The following STAU2 variants were observed in gnomAD, a reference collection of about 807,000 sequenced individuals.
STAU2 encodes double-stranded RNA-binding protein Staufen homolog 2.
A neutral mutation model predicts 65.9 loss-of-function variants in STAU2; 20 were observed. That is an observed-to-expected ratio of 0.30 (90% CI 0.21 to 0.44). STAU2 has a LOEUF of 0.44. STAU2 is among the 20% of genes least tolerant of loss of function. The probability of loss-of-function intolerance (pLI) is 1.00; values close to 1 mark genes in which losing one functional copy is unlikely to be tolerated. For missense variants in STAU2, 558 were observed against 683.9 expected (o/e 0.82, Z 2.05); for synonymous variants, 232 against 233.9 (o/e 0.99, Z 0.07).
intron 6 of STAU2, among the ~76,000 whole-genome samples, chr8:73,631,677 G>GTA (rs1158420794): frequency 2.6e-5 from 4 of 152,066 alleles, no homozygotes; most frequent in Non-Finnish European, 5.9e-5. Flanking sequence ...TATCTTTAAA[G>GTA]AAGTGCATCT....
intron 7 of STAU2, among the ~76,000 whole-genome samples, chr8:73,616,035 CACTAA>C (rs2129867666): frequency 6.6e-6 from 1 of 152,288 alleles, no homozygotes; most frequent in Admixed American, 6.5e-5. Context: ...CTCAACCATA[CACTAA>C]TTTGAGTTTA....
chr8:73,611,251 CAT>C (rs1208806663), intron 9 of STAU2, among the ~76,000 whole-genome samples: 2 of 152,160 alleles, frequency 1.3e-5, no homozygotes, highest in Non-Finnish European at 2.9e-5. Flanking sequence ...TCATTATACA[CAT>C]GTTGTTCTCT....
intron 13 of STAU2, among the ~76,000 whole-genome samples, chr8:73,538,733 C>G (rs1023641774): frequency 6.7e-6 from 1 of 149,714 alleles, no homozygotes; most frequent in Non-Finnish European, 1.5e-5. Flanking sequence ...TAATGGGGAC[C>G]AAGAAACTTA....
chr8:73,508,109 G>A (rs942429814), intron 13 of STAU2, among the ~76,000 whole-genome samples: 1 of 152,154 alleles, frequency 6.6e-6, no homozygotes, highest in Admixed American at 6.6e-5. Flanking sequence ...GTATTCACTG[G>A]AGTAACACTT....
chr8:73,675,602 T>C (rs1817982462), intron 5 of STAU2: 1 of 152,184 alleles, frequency 6.6e-6, no homozygotes, highest in Non-Finnish European at 1.5e-5. Flanking sequence ...CTGGTATTCA[T>C]GCTAAAATGC....
intron 13 of STAU2, among the ~76,000 whole-genome samples, chr8:73,472,143 G>A (rs1054363999): frequency 1.3e-5 from 2 of 152,026 alleles, no homozygotes; most frequent in East Asian, 1.9e-4. Context: ...GGGTGGAGAG[G>A]GACAAATCTG....
chr8:73,500,997 G>A (rs973295073), intron 13 of STAU2, among the ~76,000 whole-genome samples: 1 of 151,742 alleles, frequency 6.6e-6, no homozygotes, highest in Non-Finnish European at 1.5e-5. Context: ...AGTCTTCGAA[G>A]GCAAACACAA....
At chr8:73,483,997 C>T (rs1820782990) in intron 13 of STAU2, among the ~76,000 whole-genome samples, 1 of 152,022 alleles carries the variant, frequency 6.6e-6, no homozygotes, top group South Asian at 2.1e-4. Flanking sequence ...TTTCACGAGG[C>T]AAAGAAAAAT....
chr8:73,527,791 T>C (rs1042338212), intron 13 of STAU2: 16 of 1,536,556 alleles, frequency 1.0e-5, no homozygotes, highest in Non-Finnish European at 1.4e-5. Context: ...ACTTTGTCTA[T>C]CACAGTAGTG....
Position 73,731,338 on chromosome 8 carries a change from A to C in STAU2, c.-18+6946T>G, listed in dbSNP as rs6989992. The stretch of plus-strand genomic sequence containing the variant: ...TCTGGTACTCTGCCCTGTAATTCTA[A>C]TCGCCTTGATCTTCCCAAATTTTTA... On this transcript the variant is annotated intron_variant, in intron 3 of 14. Coordinates refer to ENST00000524300, the MANE Select transcript of STAU2 (RefSeq NM_001164380.2). Among the ~76,000 whole-genome samples the C allele has an allele frequency of 5.1e-3, 774 of 152,206 alleles. 11 individuals are homozygous for C. Among genetic ancestry groups the C allele is most frequent in the African/African-American group, 0.018 (737 of 41,516 alleles).
At position 73,496,623 on chromosome 8, in the gene STAU2, G is replaced by A. The variant is rs374907098; in HGVS notation, c.1530+55389C>T. Among the ~76,000 whole-genome samples, 109 of 151,702 alleles carry A rather than the reference G, an allele frequency of 7.2e-4. 1 individual carries two copies. In the South Asian group the frequency reaches 0.022, roughly 30 times the overall value. Reference sequence around the variant, plus strand: ...AGTGCAGGCTACATATGTAATTTTTGTAGCCACATCTAAAAAGTAAAAAGA... The same window carrying A: ...AGTGCAGGCTACATATGTAATTTTTATAGCCACATCTAAAAAGTAAAAAGA... On this transcript the variant is annotated intron_variant, in intron 13 of 14. Coordinates refer to ENST00000524300, the MANE Select transcript of STAU2 (RefSeq NM_001164380.2).
intron 13 of STAU2, among the ~76,000 whole-genome samples, chr8:73,524,440 T>C (rs534446429): frequency 3.9e-5 from 6 of 152,334 alleles, no homozygotes; most frequent in Admixed American, 3.9e-4. Context: ...TCATTTTGCA[T>C]ATCCGTATCA....
chr8:73,741,701 C>T (rs1287203938), intron 1 of STAU2, among the ~76,000 whole-genome samples: 4 of 151,896 alleles, frequency 2.6e-5, no homozygotes, highest in South Asian at 2.1e-4. Context: ...TTTGTAGAGA[C>T]GGGGTTTCAC....
At chr8:73,516,732 G>A (rs188288736) in intron 13 of STAU2, among the ~76,000 whole-genome samples, 3 of 152,180 alleles carry the variant, frequency 2.0e-5, no homozygotes, top group African/African-American at 4.8e-5. Flanking sequence ...TAAATCATAC[G>A]CAACACCATA....
chr8:73,731,925 C>A (rs1276605539), intron 3 of STAU2, among the ~76,000 whole-genome samples: 1 of 151,972 alleles, frequency 6.6e-6, no homozygotes, highest in East Asian at 1.9e-4. Context: ...GGTGACAGAC[C>A]AAGACTTCAA....
At chr8:73,616,928 A>G (rs1812869003) in intron 7 of STAU2, among the ~76,000 whole-genome samples, 1 of 152,236 alleles carries the variant, frequency 6.6e-6, no homozygotes. Context: ...CCTCAATGTC[A>G]TTTGTAAAAC....
At chr8:73,576,899 A>G (rs527485721) in intron 12 of STAU2, among the ~76,000 whole-genome samples, 1 of 152,322 alleles carries the variant, frequency 6.6e-6, no homozygotes, top group African/African-American at 2.4e-5. Context: ...TTTCTGCAAG[A>G]TATTTATCTG....
chr8:73,680,234 G>A (rs1818336715), intron 5 of STAU2, among the ~76,000 whole-genome samples: 1 of 151,894 alleles, frequency 6.6e-6, no homozygotes, highest in African/African-American at 2.4e-5. Context: ...GCATGGAAGG[G>A]CAAGGCCTGA....
chr8:73,615,698 G>T lies in STAU2; in HGVS notation c.655C>A (p.Arg219=), dbSNP rs553119352. The T allele has an allele frequency of 2.0e-5, 32 of 1,613,610 alleles. No homozygotes were observed. In the South Asian group the frequency reaches 3.5e-4, roughly 18 times the overall value. ...ISLVFEIALK[R]NMPVSFEVIK... ...ACCTCAAAACTGACAGGCATATTTC[G>T]CTTCAGAGCAATTTCAAACACTAAG... The change falls in exon 8 of 15, where the codon CGA becomes AGA. Residue 219 remains arginine, a synonymous_variant. Coordinates refer to ENST00000524300, the MANE Select transcript of STAU2 (RefSeq NM_001164380.2).
Sources: allele counts gnomAD v4.1 joint callset (sites outside exome capture counted in the v4.1 genomes callset), GRCh38; gene constraint gnomAD v4.1.1; transcripts MANE v1.5; gene names NCBI Gene and HGNC (gene_info 2026-07-23, HGNC 2026-07-21).